CDKL4: variants seen among roughly 807,000 people sequenced by gnomAD.
The protein encoded by CDKL4 is cyclin dependent kinase like 4, also known as cyclin-dependent kinase-like 4.
CDKL4 carries 44 observed loss-of-function variants against 42.0 expected under a neutral mutation model. The observed-to-expected ratio is 1.05, with a 90% CI of 0.82 to 1.35. The LOEUF (loss-of-function observed/expected upper bound fraction) is 1.35, where lower values mean the gene tolerates loss of function less well. Among genes scored for constraint, CDKL4 ranks in the 40% most tolerant of loss-of-function variants. CDKL4 has a pLI of 0.00. For missense variants in CDKL4, 393 were observed against 369.9 expected, an observed-to-expected ratio of 1.06 and a Z score of -0.51; for synonymous variants, 120 against 121.6, an observed-to-expected ratio of 0.99 and a Z score of 0.09.
chr2:39,228,019 G>C (rs1206405949), intron 2 of CDKL4, among the ~76,000 whole-genome samples: 1 of 152,178 alleles, frequency 6.6e-6, no homozygotes, highest in African/African-American at 2.4e-5. Context: ...AAAGATGGAC[G>C]TTCTGACATT....
chr2:39,190,610 C>G (rs568041047), intron 5 of CDKL4, 108 bp from the exon 6 acceptor site: 2 of 863,464 alleles, frequency 2.3e-6, no homozygotes, highest in African/African-American at 3.3e-5. Context: ...GGCCATGATA[C>G]TCTTAAGGGT....
chr2:39,238,709 A>C (rs1414564285), intron 1 of CDKL4, among the ~76,000 whole-genome samples: 2 of 151,882 alleles, frequency 1.3e-5, no homozygotes, highest in Non-Finnish European at 2.9e-5. Flanking sequence ...TCAAGAAATA[A>C]ACCCTTCTAT....
At chr2:39,240,237 C>T (rs1260967676) in intron 1 of CDKL4, among the ~76,000 whole-genome samples, 2 of 135,024 alleles carry the variant, frequency 1.5e-5, no homozygotes, top group Admixed American at 8.0e-5. Flanking sequence ...TGGTGACACC[C>T]CGTCTCTACT....
intron 8 of CDKL4, among the ~76,000 whole-genome samples, chr2:39,180,514 GAA>G (rs67585326): frequency 0.071 from 10,731 of 152,066 alleles, 1,274 homozygotes; most frequent in African/African-American, 0.25. Context: ...TGTTCTTCAA[GAA>G]ACAATCCTGC....
intron 8 of CDKL4, among the ~76,000 whole-genome samples, chr2:39,183,279 AAT>A (rs201200277): frequency 0.058 from 8,696 of 150,568 alleles, 398 homozygotes; most frequent in South Asian, 0.16. Flanking sequence ...AAAAAAAAAA[AAT>A]GTCTCAATTG....
chr2:39,235,455 T>C (rs1000750167), intron 1 of CDKL4, among the ~76,000 whole-genome samples: 3 of 152,192 alleles, frequency 2.0e-5, no homozygotes, highest in African/African-American at 7.2e-5. Context: ...AGCTTATTGA[T>C]AATCAAATGG....
At chr2:39,243,759 G>A (rs1679780565) in intron 1 of CDKL4, among the ~76,000 whole-genome samples, 112 bp downstream of exon 1, 2 of 152,234 alleles carry the variant, frequency 1.3e-5, no homozygotes, top group African/African-American at 2.4e-5. Context: ...TTCTTTCGGG[G>A]AACTTTTCTT....
chr2:39,185,015 G>T (rs1307481445), intron 7 of CDKL4, among the ~76,000 whole-genome samples: 2 of 150,792 alleles, frequency 1.3e-5, no homozygotes, highest in East Asian at 1.9e-4. Flanking sequence ...GATTATAGGG[G>T]TGAGCCAACT....
chr2:39,192,267 G>A (rs1676231816), intron 5 of CDKL4, among the ~76,000 whole-genome samples: 1 of 152,166 alleles, frequency 6.6e-6, no homozygotes. Context: ...GAAACAGAAA[G>A]AAGGTAAATA....
chr2:39,181,429 C>T (rs1675432604), intron 8 of CDKL4, among the ~76,000 whole-genome samples: 1 of 152,194 alleles, frequency 6.6e-6, no homozygotes, highest in South Asian at 2.1e-4. Context: ...GAGATTTCCA[C>T]ATCTACAATT....
At chr2:39,190,568 C>G in intron 5 of CDKL4, 66 bp from the exon 6 acceptor site, 1 of 1,370,058 alleles carries the variant, frequency 7.3e-7, no homozygotes. Context: ...CCCAAGAACA[C>G]ATCAGGCATT....
chr2:39,178,159 G>A (rs1234529955), intron 9 of CDKL4, among the ~76,000 whole-genome samples: 1 of 152,064 alleles, frequency 6.6e-6, no homozygotes, highest in Non-Finnish European at 1.5e-5. Flanking sequence ...ATCAAAATAT[G>A]GATACCTAGA....
At chr2:39,219,316 T>G (rs1350765191) in intron 3 of CDKL4, among the ~76,000 whole-genome samples, 1 of 152,246 alleles carries the variant, frequency 6.6e-6, no homozygotes, top group African/African-American at 2.4e-5. Flanking sequence ...GGATTGGATA[T>G]CTGATGTAAT....
chr2:39,206,444 G>A (rs1677194352), intron 4 of CDKL4, among the ~76,000 whole-genome samples: 1 of 152,198 alleles, frequency 6.6e-6, no homozygotes. Context: ...GACCCTGAAT[G>A]AAACAGATGC....
intron 8 of CDKL4, among the ~76,000 whole-genome samples, 170 bp from the exon 9 acceptor site, chr2:39,179,491 C>G (rs1453010794): frequency 6.6e-6 from 1 of 152,162 alleles, no homozygotes; most frequent in Non-Finnish European, 1.5e-5. Context: ...CTTCTTTTTC[C>G]TACTTCAAAG....
intron 1 of CDKL4, among the ~76,000 whole-genome samples, chr2:39,232,019 C>T (rs1263593926): frequency 2.0e-5 from 3 of 152,150 alleles, no homozygotes; most frequent in African/African-American, 4.8e-5. Context: ...ATAAATATGA[C>T]AAGAAGCTTA....
At chr2:39,233,081 AG>A (rs1679168995) in intron 1 of CDKL4, among the ~76,000 whole-genome samples, 1 of 149,682 alleles carries the variant, frequency 6.7e-6, no homozygotes, top group Non-Finnish European at 1.5e-5. Flanking sequence ...AGAAAGAAAA[AG>A]AAAAGAAAAG....
intron 5 of CDKL4, among the ~76,000 whole-genome samples, chr2:39,195,420 A>G (rs183309042): frequency 1.6e-4 from 25 of 152,308 alleles, no homozygotes; most frequent in Non-Finnish European, 3.1e-4. Flanking sequence ...CTTTCCCACT[A>G]GCAATGAATG....
At chr2:39,237,565 G>A (rs1679437089) in intron 1 of CDKL4, among the ~76,000 whole-genome samples, 1 of 152,136 alleles carries the variant, frequency 6.6e-6, no homozygotes, top group Non-Finnish European at 1.5e-5. Flanking sequence ...CATTGAAAAC[G>A]AAAAGTAAGG....
Sources: gnomAD v4.1 joint callset for allele counts (sites outside exome capture counted in the v4.1 genomes callset) on GRCh38, gnomAD v4.1.1 for gene constraint, MANE v1.5 for transcripts, NCBI Gene and HGNC (gene_info 2026-07-23, HGNC 2026-07-21) for gene names.